Variants in TULP3 observed in about 807,000 individuals in gnomAD.
TULP3 encodes tubby-related protein 3.
In TULP3, 38 loss-of-function variants were observed where a neutral mutation model predicts 50.7. That is an observed-to-expected ratio of 0.75 (90% confidence interval 0.58 to 0.98). The LOEUF (loss-of-function observed/expected upper bound fraction) is 0.98, where lower values mean the gene tolerates loss of function less well. Ranked by LOEUF, TULP3 falls within the 50% of genes least tolerant of loss-of-function variation. The pLI is 0.00. For synonymous variants in TULP3, 183 were observed against 196.6 expected (o/e 0.93, Z 0.58); for missense variants, 550 against 568.0 (o/e 0.97, Z 0.32).
chr12:2,919,131 A>T (rs1327363925), intron 2 of TULP3, among the ~76,000 whole-genome samples: 1 of 151,786 alleles, frequency 6.6e-6, no homozygotes. Context: ...ACCTCAAGTG[A>T]TCCACCTGAC....
At chr12:2,909,702 T>A in intron 2 of TULP3, 122 bp downstream of exon 2, 1 of 1,024,362 alleles carries the variant, frequency 9.8e-7, no homozygotes, top group Non-Finnish European at 1.5e-6. Context: ...AAGGCTCGGG[T>A]GGTTACCTGT....
At chr12:2,933,594 C>T (rs2098199467) in intron 7 of TULP3, 64 bp downstream of exon 7, 1 of 952,912 alleles carries the variant, frequency 1.0e-6, no homozygotes, top group Non-Finnish European at 1.6e-6. Flanking sequence ...AGTTGCAGAA[C>T]AGTCCTTATC....
In TULP3 at chr12:2,937,200, ATTTTTTTTTTTTT is replaced by A. The variant is rs771074689; in HGVS notation, c.925-412_925-400del. ...AATAAAATTATTTTTGGTACACCTG[ATTTTTTTTTTTTT>A]TTTTTTTTTTTTTTTTTTCTGAGGC... On this transcript the variant is annotated intron_variant, in intron 8 of 10. Transcript: ENST00000448120. 4.3e-3 allele frequency among the ~76,000 whole-genome samples: 236 copies of A among 54,474 alleles called. 5 individuals are homozygous for A. Among genetic ancestry groups the A allele is most frequent in the Middle Eastern group, 0.067 (2 of 30 alleles). The allele number at this position is 54,474 out of a possible 152,430, so 35.7% of individuals were successfully genotyped here.
chr12:2,919,161 G>T (rs1446751727), intron 2 of TULP3, among the ~76,000 whole-genome samples: 1 of 152,152 alleles, frequency 6.6e-6, no homozygotes, highest in Non-Finnish European at 1.5e-5. Context: ...CAAAGTGTTG[G>T]GATTACAGGC....
chr12:2,940,136 T>C lies in TULP3; in HGVS notation c.*692T>C. ...CAATTAAGGCTGAAAGCATAAACTCTAGAGGTGACTCAGTCAGGACTGACA... is the reference window on the plus strand; with the variant it reads ...CAATTAAGGCTGAAAGCATAAACTCCAGAGGTGACTCAGTCAGGACTGACA... On this transcript the variant is annotated 3_prime_UTR_variant, in exon 11 of 11. Coordinates refer to ENST00000448120, the MANE Select transcript of TULP3 (RefSeq NM_003324.5). The C allele has an allele frequency of 7.7e-7, 1 of 1,295,218 alleles. No homozygotes were observed. Among genetic ancestry groups the C allele is most frequent in the Non-Finnish European group, 1.0e-6 (1 of 993,124 alleles). The allele number at this position is 1,295,218 out of a possible 1,614,324, so 80.2% of individuals were successfully genotyped here. A position where few individuals can be genotyped will look rare whatever the true frequency, so the allele number is the denominator to read the frequency against.
intron 2 of TULP3, 47 bp downstream of exon 2, chr12:2,909,627 C>A (rs772482890): frequency 6.5e-7 from 1 of 1,542,826 alleles, no homozygotes; most frequent in Non-Finnish European, 8.8e-7. Context: ...CTATACTGAC[C>A]GTGATGCTGA....
Position 2,890,944 on chromosome 12 carries a change from G to GGGCATGGAGGCTTCGCGCTGCC in TULP3, c.1_22dup, listed in dbSNP as rs1565493604. 33 of 1,596,080 alleles carry GGGCATGGAGGCTTCGCGCTGCC rather than the reference G, an allele frequency of 2.1e-5. No homozygotes were observed. The highest frequency in any genetic ancestry group is 2.8e-5 in the Non-Finnish European group (33 of 1,171,672). On this transcript the variant is annotated 5_prime_UTR_variant, in exon 1 of 11. The change creates a new upstream start codon in the 5' untranslated region. Coordinates refer to ENST00000448120, the MANE Select transcript of TULP3 (RefSeq NM_003324.5). ...ACGTGGTGGGGGCTTCCTCGGTGGC[G>GGGCATGGAGGCTTCGCGCTGCC]GGCATGGAGGCTTCGCGCTGCCGGC...
chr12:2,940,309 A>G lies in TULP3; in HGVS notation c.*865A>G. The G allele has an allele frequency of 7.0e-7, 1 of 1,429,004 alleles. No individual in the cohort carries two copies. The highest frequency in any genetic ancestry group is 1.3e-5 in the South Asian group (1 of 74,736). 88.5% of individuals were successfully genotyped at this position (1,429,004 alleles called of 1,614,324 possible). ...ATCAAGAGAGATGGCAGTATTGACCATTTAGTTTAGTTAAAAAAAAAAAAA... is the reference window on the plus strand; with the variant it reads ...ATCAAGAGAGATGGCAGTATTGACCGTTTAGTTTAGTTAAAAAAAAAAAAA... On this transcript the variant is annotated 3_prime_UTR_variant, in exon 11 of 11. Transcript: ENST00000448120.
chr12:2,909,465 A>G (rs2098184192), intron 1 of TULP3, 64 bp from the exon 2 acceptor site: 6 of 1,490,856 alleles, frequency 4.0e-6, no homozygotes, highest in Middle Eastern at 1.9e-4. Flanking sequence ...ACATACATAA[A>G]AAGATGAAAT....
chr12:2,930,392 C>A, intron 5 of TULP3, 47 bp downstream of exon 5: 1 of 1,199,568 alleles, frequency 8.3e-7, no homozygotes, highest in Non-Finnish European at 1.2e-6. Context: ...TTGACTCTTT[C>A]TCAAACATAT....
intron 1 of TULP3, 134 bp downstream of exon 1, chr12:2,891,122 C>T: frequency 4.6e-6 from 5 of 1,085,892 alleles, no homozygotes; most frequent in South Asian, 2.2e-5. Flanking sequence ...GGACTGGTTT[C>T]GGCGGCGGGA....
At chr12:2,907,918 G>T (rs2098183294) in intron 1 of TULP3, among the ~76,000 whole-genome samples, 1 of 152,136 alleles carries the variant, frequency 6.6e-6, no homozygotes, top group African/African-American at 2.4e-5. Context: ...TGGGAGAAAA[G>T]AGATTTATTG....
intron 1 of TULP3, among the ~76,000 whole-genome samples, chr12:2,901,750 G>C (rs2153948098): frequency 6.6e-6 from 1 of 152,174 alleles, no homozygotes; most frequent in Middle Eastern, 3.4e-3. Flanking sequence ...TTAATTTTTT[G>C]TTGGATATAT....
intron 5 of TULP3, 74 bp downstream of exon 5, chr12:2,930,419 T>TTTA (rs1310479562): frequency 1.0e-6 from 1 of 977,120 alleles, no homozygotes; most frequent in Non-Finnish European, 1.5e-6. Flanking sequence ...TATTTATTTA[T>TTTA]TTATTATTAT....
At chr12:2,927,501 G>A (rs1174514955) in intron 4 of TULP3, among the ~76,000 whole-genome samples, 3 of 151,180 alleles carry the variant, frequency 2.0e-5, no homozygotes, top group African/African-American at 7.3e-5. Flanking sequence ...TGAGTAGCTG[G>A]GACTACAGGT....
chr12:2,937,768 A>AAG, intron 9 of TULP3, 39 bp downstream of exon 9: 1 of 1,496,734 alleles, frequency 6.7e-7, no homozygotes, highest in Non-Finnish European at 9.2e-7. Context: ...AAGACTCTAA[A>AAG]AGACAGTAGT....
Position 2,931,166 on chromosome 12 carries a change from C to G in TULP3, c.622C>G (p.Arg208Gly). The G allele has an allele frequency of 1.2e-6, 2 of 1,614,080 alleles. No homozygotes were observed. Among genetic ancestry groups the G allele is most frequent in the Non-Finnish European group, 1.7e-6 (2 of 1,180,034 alleles). Reference protein sequence around the residue: ...QGVTVRCRIIRDKRGMDRGLF... With the variant: ...QGVTVRCRIIGDKRGMDRGLF... ...TGTCACAGTAAGATGTCGGATAATC[C>G]GGGATAAAAGGGGAATGGATCGGGG... Residue 208 changes from arginine to glycine, a missense_variant, in exon 6 of 11, where the codon CGG (arginine) becomes GGG (glycine). By Grantham distance (125) the Arg-to-Gly change is moderately radical (BLOSUM62 -2). Transcript: ENST00000448120.
chr12:2,910,541 C>T (rs887288145), intron 2 of TULP3, among the ~76,000 whole-genome samples: 3 of 151,996 alleles, frequency 2.0e-5, no homozygotes, highest in African/African-American at 4.8e-5. Context: ...GAACGTATAC[C>T]CAACATACAT....
In TULP3 at chr12:2,891,866, C is replaced by T. The variant is rs1259316494; in HGVS notation, c.41+878C>T. Among the ~76,000 whole-genome samples, 3 of 151,828 alleles carry T rather than the reference C, an allele frequency of 2.0e-5. No individual in the cohort carries two copies. In the Admixed American group the frequency reaches 2.0e-4, roughly 10 times the overall value. On this transcript the variant is annotated intron_variant, in intron 1 of 10. Coordinates refer to ENST00000448120, the MANE Select transcript of TULP3 (RefSeq NM_003324.5). ...CTCAGGAGTTCGAGACCAGCCTGGA[C>T]AAGATAGCGAGACCCCCATCTCTAG...
Sources: gnomAD v4.1 joint callset for allele counts (sites outside exome capture counted in the v4.1 genomes callset) on GRCh38, gnomAD v4.1.1 for gene constraint, MANE v1.5 for transcripts, NCBI Gene and HGNC (gene_info 2026-07-23, HGNC 2026-07-21) for gene names.